ANKS1B: variants seen among roughly 807,000 people sequenced by gnomAD.
The protein encoded by ANKS1B is ankyrin repeat and sterile alpha motif domain containing 1B.
In ANKS1B, 36 loss-of-function variants were observed where a neutral mutation model predicts 148.3. The observed-to-expected ratio is 0.24, with a 90% confidence interval of 0.19 to 0.32. The LOEUF (loss-of-function observed/expected upper bound fraction) is 0.32. ANKS1B is among the 10% of genes least tolerant of loss of function. The probability of loss-of-function intolerance (pLI) is 1.00; values close to 1 mark genes in which losing one functional copy is unlikely to be tolerated. For synonymous variants in ANKS1B, 542 were observed against 560.8 expected (o/e 0.97, Z 0.47); for missense variants, 1,157 against 1,542.6 (o/e 0.75, Z 4.19).
At chr12:98,836,978 A>C (rs936989858) in intron 17 of ANKS1B, among the ~76,000 whole-genome samples, 2 of 152,170 alleles carry the variant, frequency 1.3e-5, no homozygotes, top group African/African-American at 4.8e-5. Context: ...TTAACTAAGA[A>C]AAATTATTAT....
chr12:99,830,093 T>G (rs1204241945), intron 1 of ANKS1B, among the ~76,000 whole-genome samples: 2 of 152,180 alleles, frequency 1.3e-5, no homozygotes, highest in African/African-American at 4.8e-5. Flanking sequence ...TTACTTCTAC[T>G]TCAATCTGCA....
At chr12:99,732,364 T>G (rs1207007216) in intron 8 of ANKS1B, among the ~76,000 whole-genome samples, 1 of 152,150 alleles carries the variant, frequency 6.6e-6, no homozygotes, top group African/African-American at 2.4e-5. Context: ...CTTTATTAAT[T>G]ACAGCCAAAA....
intron 15 of ANKS1B, among the ~76,000 whole-genome samples, chr12:99,153,450 C>T (rs2075453372): frequency 6.6e-6 from 1 of 152,116 alleles, no homozygotes; most frequent in Admixed American, 6.6e-5. Flanking sequence ...GGTAATAGAG[C>T]TGTGACGTAG....
rs115218087 is a variant in ANKS1B at position 99,338,382 on chromosome 12, G to C, written c.1756+61249C>G. On this transcript the variant is annotated intron_variant, in intron 12 of 26. Coordinates refer to ENST00000683438, the MANE Select transcript of ANKS1B (RefSeq NM_001352186.2). ...GGCCCAAAGGCTCTTCAGTTAGCTTGTGGTGAATGCTGCCAGGCCTGAGTC... is the reference window on the plus strand; with the variant it reads ...GGCCCAAAGGCTCTTCAGTTAGCTTCTGGTGAATGCTGCCAGGCCTGAGTC... Among the ~76,000 whole-genome samples the C allele has an allele frequency of 6.2e-3, 938 of 152,246 alleles. 7 individuals are homozygous for C. Among genetic ancestry groups the C allele is most frequent in the African/African-American group, 0.022 (906 of 41,542 alleles).
At chr12:99,786,558 G>C (rs1380291553) in intron 4 of ANKS1B, among the ~76,000 whole-genome samples, 1 of 152,190 alleles carries the variant, frequency 6.6e-6, no homozygotes, top group Non-Finnish European at 1.5e-5. Context: ...CTTAGTTGTA[G>C]ATAGAGTGAA....
At chr12:99,271,381 A>G (rs1428671796) in intron 12 of ANKS1B, among the ~76,000 whole-genome samples, 3 of 152,068 alleles carry the variant, frequency 2.0e-5, no homozygotes, top group East Asian at 3.9e-4. Context: ...CTCCCTTAAC[A>G]TTCTGTAAAA....
At chr12:99,801,953 A>G (rs1169095552) in intron 4 of ANKS1B, among the ~76,000 whole-genome samples, 1 of 152,186 alleles carries the variant, frequency 6.6e-6, no homozygotes, top group Non-Finnish European at 1.5e-5. Context: ...TAAAAGCAGT[A>G]TCATGATCAG....
chr12:99,603,748 G>A (rs564471515), intron 9 of ANKS1B, among the ~76,000 whole-genome samples: 1 of 152,052 alleles, frequency 6.6e-6, no homozygotes, highest in South Asian at 2.1e-4. Context: ...GATGCCTTCA[G>A]AGAAAAAAAA....
At chr12:98,936,736 C>T (rs1405125016) in intron 17 of ANKS1B, among the ~76,000 whole-genome samples, 1 of 152,088 alleles carries the variant, frequency 6.6e-6, no homozygotes, top group Non-Finnish European at 1.5e-5. Flanking sequence ...GATCTCAATA[C>T]AGTGGTCTTA....
intron 8 of ANKS1B, among the ~76,000 whole-genome samples, chr12:99,708,036 G>C (rs767723019): frequency 2.6e-5 from 4 of 152,042 alleles, no homozygotes; most frequent in Non-Finnish European, 5.9e-5. Context: ...TAACCTGGGG[G>C]TCTGAATCTG....
At chr12:99,845,568 A>G (rs2086523998) in intron 1 of ANKS1B, among the ~76,000 whole-genome samples, 1 of 152,174 alleles carries the variant, frequency 6.6e-6, no homozygotes, top group Non-Finnish European at 1.5e-5. Context: ...CCAGGGATGA[A>G]GCTGAGTTGA....
rs2097202152 is a variant in ANKS1B, at chr12:99,549,832, G to A, written c.1273-45191C>T. 2.0e-5 allele frequency among the ~76,000 whole-genome samples: 3 copies of A among 152,144 alleles called. No homozygotes were observed. The South Asian group carries it at 6.2e-4, about 31-fold the overall frequency. On this transcript the variant is annotated intron_variant, in intron 9 of 26. Transcript: ENST00000683438. Reference sequence around the variant, plus strand: ...GGTCACAGTGGAAAATTCCACTAAGGCTTGGGCTGTGAAAAACATCCTGCT... The same window carrying A: ...GGTCACAGTGGAAAATTCCACTAAGACTTGGGCTGTGAAAAACATCCTGCT...
At chr12:99,803,984 C>A (rs2067285260) in intron 4 of ANKS1B, among the ~76,000 whole-genome samples, 1 of 152,088 alleles carries the variant, frequency 6.6e-6, no homozygotes, top group South Asian at 2.1e-4. Flanking sequence ...GTTTTTTATT[C>A]TCCAAAAGCA....
intron 9 of ANKS1B, among the ~76,000 whole-genome samples, chr12:99,530,318 C>A (rs576819354): frequency 1.3e-5 from 2 of 152,298 alleles, no homozygotes; most frequent in South Asian, 4.1e-4. Context: ...GTCTCCCAAG[C>A]GAGTTCTTTA....
At chr12:99,835,886 C>T (rs1279758132) in intron 1 of ANKS1B, among the ~76,000 whole-genome samples, 1 of 152,142 alleles carries the variant, frequency 6.6e-6, no homozygotes, top group East Asian at 1.9e-4. Context: ...ACACGTTTAC[C>T]TATGTAACAA....
chr12:99,635,153 G>T (rs1344280121), intron 9 of ANKS1B, among the ~76,000 whole-genome samples: 1 of 152,222 alleles, frequency 6.6e-6, no homozygotes, highest in Non-Finnish European at 1.5e-5. Flanking sequence ...GTGTATCATT[G>T]GTGGAAATTT....
At chr12:99,492,018 C>T (rs895871583) in intron 10 of ANKS1B, among the ~76,000 whole-genome samples, 1 of 151,700 alleles carries the variant, frequency 6.6e-6, no homozygotes, top group South Asian at 2.1e-4. Context: ...ACCAAGGGCA[C>T]CCCCAAAGCT....
chr12:98,998,468 G>T lies in ANKS1B; in HGVS notation c.2778+54689C>A, dbSNP rs2099931007. ...ACTGAGCATTTTATAAATGAGAACT[G>T]TATTGCTTTAAGTTGGAGAAAAGCT... On this transcript the variant is annotated intron_variant, in intron 17 of 26. Transcript: ENST00000683438. 2.6e-5 allele frequency among the ~76,000 whole-genome samples: 4 copies of T among 152,156 alleles called. No individual in the cohort carries two copies. In the South Asian group the frequency reaches 8.3e-4, roughly 31 times the overall value.
At chr12:99,588,573 C>T (rs540245519) in intron 9 of ANKS1B, among the ~76,000 whole-genome samples, 189 of 152,182 alleles carry the variant, frequency 1.2e-3, no homozygotes, top group Admixed American at 2.3e-3. Context: ...CCCGCCACTA[C>T]GCCCGGCTAA....
Sources: gnomAD v4.1 joint callset for allele counts (sites outside exome capture counted in the v4.1 genomes callset) on GRCh38, gnomAD v4.1.1 for gene constraint, MANE v1.5 for transcripts, NCBI Gene and HGNC (gene_info 2026-07-23, HGNC 2026-07-21) for gene names.